The following INTS8 variants were observed in gnomAD, a reference collection of about 807,000 sequenced individuals.
INTS8 encodes the protein integrator complex subunit 8, also known as protein kaonashi-1.
In INTS8, 47 loss-of-function variants were observed where a neutral mutation model predicts 138.9. That is an observed-to-expected ratio of 0.34 (90% CI 0.27 to 0.43). The LOEUF is 0.43. INTS8 is among the 20% of genes least tolerant of loss of function. The pLI, the probability that INTS8 is intolerant of heterozygous loss-of-function variation, is 1.00. For missense variants in INTS8, 996 were observed against 1,173.0 expected (o/e 0.85, Z 2.20); for synonymous variants, 392 against 400.9 (o/e 0.98, Z 0.27).
Position 94,827,776 on chromosome 8 carries a change from A to G in INTS8, c.501A>G (p.Gly167=). The change falls in exon 4 of 27, where the codon GGA becomes GGG. Residue 167 remains glycine (G), a synonymous_variant. Coordinates refer to ENST00000523731, the MANE Select transcript of INTS8 (RefSeq NM_017864.4). ...TTCCAGTCAAACAGGCAAAACCCGGACCCCCTCAGTTAAGTGTGTAAGTTG... is the reference window on the plus strand; with the variant it reads ...TTCCAGTCAAACAGGCAAAACCCGGGCCCCCTCAGTTAAGTGTGTAAGTTG... The part of the protein sequence containing the change: ...SSFPVKQAKP[G]PPQLSVMNQM... 1.9e-6 allele frequency: 3 copies of G among 1,613,896 alleles called. No individual in the cohort carries two copies. Among genetic ancestry groups the G allele is most frequent in the Non-Finnish European group, 2.5e-6 (3 of 1,179,820 alleles).
In INTS8 at chr8:94,824,984, T is replaced by G; in HGVS notation, c.222T>G (p.Asp74Glu). 6.2e-7 allele frequency: 1 copy of G among 1,612,868 alleles called. No individual in the cohort carries two copies. The highest frequency in any genetic ancestry group is 1.1e-5 in the South Asian group (1 of 91,048). The change falls in exon 2 of 27, where the codon GAT (aspartate) becomes GAG (glutamate). Residue 74 changes from aspartate (D) to glutamate (E), a missense_variant. Physicochemically the swap from Asp to Glu is conservative, Grantham distance 45 (BLOSUM62 2). Coordinates refer to ENST00000523731, the MANE Select transcript of INTS8 (RefSeq NM_017864.4). ...NEQNQVQPPPDNKRNRILKLL... is the reference protein window; with the variant it reads ...NEQNQVQPPPENKRNRILKLL... ...AAAACCAAGTTCAACCTCCGCCTGA[T>G]AACAAGAGAAATCGTATTTTAAAAC...
At chr8:94,867,241 C>G (rs1816211791) in intron 19 of INTS8, 35 bp from the exon 20 acceptor site, 1 of 1,597,722 alleles carries the variant, frequency 6.3e-7, no homozygotes. Flanking sequence ...AAAGAAATTT[C>G]TTTGTAAATC....
At chr8:94,871,457 G>A (rs952026790) in intron 20 of INTS8, among the ~76,000 whole-genome samples, 3 of 151,326 alleles carry the variant, frequency 2.0e-5, no homozygotes, top group Non-Finnish European at 4.4e-5. Context: ...CAACCTGGGC[G>A]ACAGAGTGAG....
chr8:94,868,827 C>G (rs1049076144), intron 20 of INTS8: 1 of 151,918 alleles, frequency 6.6e-6, no homozygotes, highest in East Asian at 1.9e-4. Context: ...CATGCCACCA[C>G]CCCCAGCTAT....
Position 94,827,586 on chromosome 8 carries a change from T to G in INTS8, c.447-136T>G, listed in dbSNP as rs183807003. The G allele has an allele frequency of 1.1e-4, 107 of 1,014,032 alleles. 1 individual carries two copies. In the African/African-American group the frequency reaches 1.7e-3, roughly 16 times the overall value. The allele number at this position is 1,014,032 out of a possible 1,614,324, so 62.8% of individuals were successfully genotyped here. A position where few individuals can be genotyped will look rare whatever the true frequency, so the allele number is the denominator to read the frequency against. On this transcript the variant is annotated intron_variant, in intron 3 of 26. Coordinates refer to ENST00000523731, the MANE Select transcript of INTS8 (RefSeq NM_017864.4). Reference sequence around the variant, plus strand: ...GATGAAAAGCAATCTGATAAAAATGTGGATGACTTATGCAGGATTTACCAT... The same window carrying G: ...GATGAAAAGCAATCTGATAAAAATGGGGATGACTTATGCAGGATTTACCAT...
chr8:94,827,873 T>A, intron 4 of INTS8, 80 bp downstream of exon 4: 1 of 1,142,994 alleles, frequency 8.7e-7, no homozygotes, highest in East Asian at 2.3e-5. Context: ...TAATAACCTC[T>A]GTTATAGAAG....
At chr8:94,845,125 A>T (rs1012655503) in intron 10 of INTS8, among the ~76,000 whole-genome samples, 3 of 151,924 alleles carry the variant, frequency 2.0e-5, no homozygotes, top group African/African-American at 7.3e-5. Context: ...CGTTGTAGTG[A>T]TTTCTGTGTG....
intron 6 of INTS8, among the ~76,000 whole-genome samples, chr8:94,834,958 A>C (rs760426472): frequency 7.2e-5 from 11 of 152,314 alleles, no homozygotes; most frequent in Non-Finnish European, 1.5e-4. Flanking sequence ...GGAATGAAGC[A>C]TATTTCTAGT....
At chr8:94,858,836 A>G (rs971872606) in intron 15 of INTS8, among the ~76,000 whole-genome samples, 1 of 152,234 alleles carries the variant, frequency 6.6e-6, no homozygotes, top group Non-Finnish European at 1.5e-5. Context: ...TTGGCTGAAC[A>G]GTTTGTAGTT....
intron 12 of INTS8, among the ~76,000 whole-genome samples, chr8:94,850,561 A>G (rs886418118): frequency 2.0e-5 from 3 of 150,338 alleles, no homozygotes; most frequent in Non-Finnish European, 4.4e-5. Context: ...GCAGTGAGCC[A>G]AGATTGCGCC....
At chr8:94,843,272 T>C (rs895738462) in intron 10 of INTS8, among the ~76,000 whole-genome samples, 4 of 152,136 alleles carry the variant, frequency 2.6e-5, no homozygotes, top group Non-Finnish European at 5.9e-5. Flanking sequence ...TTTTCATTGC[T>C]TTAAGGTGTT....
intron 16 of INTS8, chr8:94,864,652 G>C (rs1816110813): frequency 6.6e-6 from 1 of 152,364 alleles, no homozygotes; most frequent in African/African-American, 2.4e-5. Flanking sequence ...AGGTTGCAGT[G>C]AGCCAAGATT....
Position 94,881,272 on chromosome 8 carries a change from C to T in INTS8, c.*1038C>T. The T allele has an allele frequency of 2.8e-6, 1 of 357,436 alleles. No individual in the cohort carries two copies. 22.1% of individuals were successfully genotyped at this position (357,436 alleles called of 1,614,324 possible). A position where few individuals can be genotyped will look rare whatever the true frequency, so the allele number is the denominator to read the frequency against. On this transcript the variant is annotated 3_prime_UTR_variant, in exon 27 of 27. Transcript: ENST00000523731. ...ACTTAGTATACCCTTTAAGGTAGCA[C>T]TTATCCAGTCCAAAACTCCAGTGAC...
intron 16 of INTS8, 194 bp downstream of exon 16, chr8:94,859,826 C>A: frequency 1.9e-6 from 1 of 513,038 alleles, no homozygotes. Flanking sequence ...CTTTCTAATG[C>A]CCTGTAATTC....
chr8:94,848,548 G>A (rs1329174693), intron 10 of INTS8, among the ~76,000 whole-genome samples: 1 of 152,054 alleles, frequency 6.6e-6, no homozygotes, highest in Non-Finnish European at 1.5e-5. Context: ...AGATTTATCT[G>A]TTCTGGATAT....
At position 94,827,573 on chromosome 8, in the gene INTS8, T is replaced by A. The variant is rs1034496578; in HGVS notation, c.447-149T>A. On this transcript the variant is annotated intron_variant, in intron 3 of 26. Transcript: ENST00000523731. Reference sequence around the variant, plus strand: ...TTGTGACTGCATAGATGAAAAGCAATCTGATAAAAATGTGGATGACTTATG... The same window carrying A: ...TTGTGACTGCATAGATGAAAAGCAAACTGATAAAAATGTGGATGACTTATG... The A allele has an allele frequency of 1.0e-5, 10 of 1,004,174 alleles. No individual in the cohort carries two copies. The African/African-American group carries it at 1.6e-4, about 16-fold the overall frequency. The allele number at this position is 1,004,174 out of a possible 1,614,324, so 62.2% of individuals were successfully genotyped here. A position where few individuals can be genotyped will look rare whatever the true frequency, so the allele number is the denominator to read the frequency against.
intron 16 of INTS8, among the ~76,000 whole-genome samples, chr8:94,865,058 A>T (rs1353429930): frequency 6.6e-6 from 1 of 151,786 alleles, no homozygotes; most frequent in Non-Finnish European, 1.5e-5. Context: ...GTGTATTTGC[A>T]CGTGGGAGAG....
At chr8:94,836,453 C>A in intron 6 of INTS8, 71 bp from the exon 7 acceptor site, 1 of 1,117,256 alleles carries the variant, frequency 9.0e-7, no homozygotes, top group Non-Finnish European at 1.3e-6. Context: ...GAGATAAAGA[C>A]AGTTTTGGTT....
intron 20 of INTS8, among the ~76,000 whole-genome samples, chr8:94,871,477 CAA>C (rs35614739): frequency 7.7e-6 from 1 of 129,156 alleles, no homozygotes. Flanking sequence ...GACTCCGTCT[CAA>C]AAAAAAAAAA....
Sources: allele counts gnomAD v4.1 joint callset (sites outside exome capture counted in the v4.1 genomes callset), GRCh38; gene constraint gnomAD v4.1.1; transcripts MANE v1.5; gene names NCBI Gene and HGNC (gene_info 2026-07-23, HGNC 2026-07-21).